CFAP20: variants seen among roughly 807,000 people sequenced by gnomAD.
CFAP20 encodes the protein cilia- and flagella-associated protein 20.
In CFAP20, 14 loss-of-function variants were observed where a neutral mutation model predicts 25.5. The ratio of observed to expected loss-of-function variants is 0.55; its 90% CI spans 0.36 to 0.86. CFAP20 has a LOEUF of 0.86. Among genes scored for constraint, CFAP20 ranks in the 40% least tolerant of loss-of-function variants. The pLI is 0.01. For synonymous variants in CFAP20, 75 were observed against 91.1 expected, an observed-to-expected ratio of 0.82 and a Z score of 1.01; for missense variants, 181 against 248.0, an observed-to-expected ratio of 0.73 and a Z score of 1.81.
intron 1 of CFAP20, among the ~76,000 whole-genome samples, chr16:58,118,383 T>A (rs1036582241): frequency 7.3e-5 from 11 of 151,440 alleles, no homozygotes; most frequent in African/African-American, 2.4e-4. Flanking sequence ...CTTGGGAGGC[T>A]AAGGTGGGAG....
rs1960466829 is a variant in CFAP20, at chr16:58,117,034, G to A, written c.85-83C>T. The A allele has an allele frequency of 3.1e-6, 4 of 1,277,114 alleles. No homozygotes were observed. In the South Asian group the frequency reaches 5.0e-5, roughly 16 times the overall value. The allele number at this position is 1,277,114 out of a possible 1,614,324, so 79.1% of individuals were successfully genotyped here. On this transcript the variant is annotated intron_variant, in intron 1 of 5. Transcript: ENST00000262498. ...TTTAAAGAAAACCACGGTAGCCCAAGAGGCGTACAAAGAAATTTGTGACAC... is the reference window on the plus strand; with the variant it reads ...TTTAAAGAAAACCACGGTAGCCCAAAAGGCGTACAAAGAAATTTGTGACAC...
Position 58,116,063 on chromosome 16 carries a change from T to G in CFAP20, c.254A>C (p.Lys85Thr). ...TACCTGCACTTCGAAGGTAAAATAC[T>G]TCTTCAGGTTTTTGATAATCATGAC... ...FLVMIIKNLK[K>T]YFTFEVQVLD... is the part of the protein sequence containing the mutation. The change falls in exon 3 of 6, where the codon AAG becomes ACG. Residue 85 changes from lysine to threonine, a missense_variant. Lys to Thr is a moderately conservative substitution (Grantham distance 78). Coordinates refer to ENST00000262498, the MANE Select transcript of CFAP20 (RefSeq NM_013242.3). 1 of 1,611,598 alleles carries G rather than the reference T, an allele frequency of 6.2e-7. No homozygotes were observed. The highest frequency in any genetic ancestry group is 8.5e-7 in the Non-Finnish European group (1 of 1,177,680).
chr16:58,118,464 G>T (rs1246388719), intron 1 of CFAP20, among the ~76,000 whole-genome samples: 1 of 146,740 alleles, frequency 6.8e-6, no homozygotes, highest in Non-Finnish European at 1.5e-5. Flanking sequence ...GCCTAGAGGA[G>T]TAGGTGACAG....
intron 1 of CFAP20, among the ~76,000 whole-genome samples, chr16:58,128,223 A>G (rs1960647453): frequency 6.6e-6 from 1 of 152,238 alleles, no homozygotes. Flanking sequence ...CAAAAAACAG[A>G]TTCATCATCT....
intron 1 of CFAP20, among the ~76,000 whole-genome samples, chr16:58,126,279 G>T (rs563086977): frequency 1.3e-4 from 20 of 152,278 alleles, no homozygotes; most frequent in East Asian, 3.9e-4. Flanking sequence ...TCAATGAAAA[G>T]AATGTTTAAG....
At position 58,116,034 on chromosome 16, in the gene CFAP20, T is replaced by C; in HGVS notation, c.276+7A>G. On this transcript the variant is annotated splice_region_variant and intron_variant, in intron 3 of 5. Transcript: ENST00000262498. ...AAGAGTGGACACATTCATGTACACA[T>C]ACTTACCTGCACTTCGAAGGTAAAA... 1.3e-6 allele frequency: 2 copies of C among 1,579,456 alleles called. No individual in the cohort carries two copies. Among genetic ancestry groups the C allele is most frequent in the Non-Finnish European group, 1.7e-6 (2 of 1,148,658 alleles).
chr16:58,121,488 T>C (rs2142367678), intron 1 of CFAP20, among the ~76,000 whole-genome samples: 1 of 152,320 alleles, frequency 6.6e-6, no homozygotes, highest in East Asian at 1.9e-4. Flanking sequence ...TATCAAAGTG[T>C]GGCCTATGAG....
At chr16:58,116,425 A>G in intron 2 of CFAP20, 1 of 342,702 alleles carries the variant, frequency 2.9e-6, no homozygotes. Context: ...CCAGTGAGAG[A>G]AGACCTCAAT....
chr16:58,114,112 G>A, intron 5 of CFAP20, 82 bp from the exon 6 acceptor site: 1 of 1,439,106 alleles, frequency 6.9e-7, no homozygotes, highest in Non-Finnish European at 9.8e-7. Context: ...CCTGCCTCTG[G>A]TGACACTTGA....
At chr16:58,119,336 C>T (rs1290716618) in intron 1 of CFAP20, 5 of 152,252 alleles carry the variant, frequency 3.3e-5, no homozygotes, top group African/African-American at 1.2e-4. Context: ...TAGCACAGTG[C>T]TAGCCATAAA....
In CFAP20 at chr16:58,122,956, C is replaced by T. The variant is rs1427849584; in HGVS notation, c.85-6005G>A. On this transcript the variant is annotated intron_variant, in intron 1 of 5. Transcript: ENST00000262498. ...CAGGAAAGACAGACAAAGGCGTTTT[C>T]ATGAATTAATGCAATCTCATCTCAT... Among the ~76,000 whole-genome samples the T allele has an allele frequency of 3.3e-5, 5 of 152,202 alleles. No homozygotes were observed. The East Asian group carries it at 9.7e-4, about 30-fold the overall frequency.
chr16:58,114,694 C>T, intron 5 of CFAP20, 116 bp downstream of exon 5: 1 of 756,134 alleles, frequency 1.3e-6, no homozygotes, highest in Non-Finnish European at 2.2e-6. Context: ...TATAAAGGCA[C>T]CCCAAAGTGT....
chr16:58,129,357 G>A lies in CFAP20; in HGVS notation c.-242C>T. 2 of 490,860 alleles carry A rather than the reference G, an allele frequency of 4.1e-6. No homozygotes were observed. Among genetic ancestry groups the A allele is most frequent in the East Asian group, 6.6e-5 (2 of 30,266 alleles). 30.4% of individuals were successfully genotyped at this position (490,860 alleles called of 1,614,324 possible). A position where few individuals can be genotyped will look rare whatever the true frequency, so the allele number is the denominator to read the frequency against. ...GGAAACCACAGCAACTACCGTCCGC[G>A]CCGCGGTATTTCCCCGCCTTCAATG... On this transcript the variant is annotated 5_prime_UTR_variant, in exon 1 of 6. Coordinates refer to ENST00000262498, the MANE Select transcript of CFAP20 (RefSeq NM_013242.3).
At chr16:58,115,169 C>A in intron 4 of CFAP20, 100 bp downstream of exon 4, 1 of 1,504,710 alleles carries the variant, frequency 6.6e-7, no homozygotes. Flanking sequence ...GCAACTGAAG[C>A]CAGAAACCCA....
chr16:58,115,966 C>A, intron 3 of CFAP20, 75 bp downstream of exon 3: 1 of 1,047,718 alleles, frequency 9.5e-7, no homozygotes, highest in South Asian at 1.4e-5. Flanking sequence ...TTTGTAGGGT[C>A]ACTTTTTCCC....
intron 1 of CFAP20, among the ~76,000 whole-genome samples, chr16:58,128,138 T>C (rs569094204): frequency 2.0e-5 from 3 of 152,172 alleles, no homozygotes; most frequent in African/African-American, 7.2e-5. Flanking sequence ...GCCTGGGAAT[T>C]TGCATGAAGA....
chr16:58,128,920 C>A, intron 1 of CFAP20, 112 bp downstream of exon 1: 1 of 1,222,094 alleles, frequency 8.2e-7, no homozygotes, highest in Non-Finnish European at 1.1e-6. Context: ...CAGCAGCGTC[C>A]TCTCGGCCTC....
At chr16:58,116,805 T>C in intron 2 of CFAP20, 67 bp downstream of exon 2, 1 of 1,441,516 alleles carries the variant, frequency 6.9e-7, no homozygotes, top group Non-Finnish European at 9.7e-7. Flanking sequence ...GTCTGTGCTA[T>C]TAACCTCTAT....
intron 2 of CFAP20, among the ~76,000 whole-genome samples, chr16:58,116,394 C>G (rs1265532594): frequency 6.6e-6 from 1 of 152,182 alleles, no homozygotes; most frequent in Non-Finnish European, 1.5e-5. Context: ...CAAAGCCAGA[C>G]AGTGGATCTT....
Sources: allele counts gnomAD v4.1 joint callset (sites outside exome capture counted in the v4.1 genomes callset), GRCh38; gene constraint gnomAD v4.1.1; transcripts MANE v1.5; gene names NCBI Gene and HGNC (gene_info 2026-07-23, HGNC 2026-07-21).